ZFAND6: variants seen among roughly 807,000 people sequenced by gnomAD.
ZFAND6 encodes zinc finger AN1-type containing 6.
A neutral mutation model predicts 24.5 loss-of-function variants in ZFAND6; 12 were observed. That is an observed-to-expected ratio of 0.49 (90% confidence interval 0.31 to 0.79). The LOEUF is 0.79. Among genes scored for constraint, ZFAND6 ranks in the 30% least tolerant of loss-of-function variants. ZFAND6 has a pLI of 0.04. For missense variants in ZFAND6, 207 were observed against 245.9 expected (o/e 0.84, Z 1.06); for synonymous variants, 92 against 81.5 (o/e 1.13, Z -0.69).
At chr15:80,130,021 A>C (rs1024105725) in intron 5 of ZFAND6, 2 of 152,274 alleles carry the variant, frequency 1.3e-5, no homozygotes, top group African/African-American at 4.8e-5. Flanking sequence ...GGATGAAGAA[A>C]ATCATGAAGG....
intron 1 of ZFAND6, among the ~76,000 whole-genome samples, chr15:80,079,109 T>A (rs1459843240): frequency 6.6e-6 from 1 of 151,988 alleles, no homozygotes; most frequent in African/African-American, 2.4e-5. Flanking sequence ...GCTCGTTTTT[T>A]AATGGGATTA....
rs1378560288 is a variant in ZFAND6, at chr15:80,137,750, T to G, written c.*122T>G. ...CTTGCATGTCATCGGAAGAATAGAT[T>G]TTTGTTTTGGTTTTGTTTTGAAAAT... On this transcript the variant is annotated 3_prime_UTR_variant, in exon 7 of 7. Coordinates refer to ENST00000261749, the MANE Select transcript of ZFAND6 (RefSeq NM_019006.4). 10 of 1,132,960 alleles carry G rather than the reference T, an allele frequency of 8.8e-6. 1 individual carries two copies. Among genetic ancestry groups the G allele is most frequent in the Non-Finnish European group, 1.1e-5 (9 of 852,950 alleles). The allele number at this position is 1,132,960 out of a possible 1,614,324, so 70.2% of individuals were successfully genotyped here.
rs549902831 is a variant in ZFAND6 at position 80,070,353 on chromosome 15, A to G, written c.-181+10544A>G. 1.4e-4 allele frequency among the ~76,000 whole-genome samples: 22 copies of G among 152,320 alleles called. No homozygotes were observed. In the South Asian group the frequency reaches 2.9e-3, roughly 20 times the overall value. The stretch of plus-strand genomic sequence containing the variant: ...TTAAAAAGTGTTGTTACTGCATGCA[A>G]TCAGGGAGCTCCAGAGCTTTTTGCA... On this transcript the variant is annotated intron_variant, in intron 1 of 6. Transcript: ENST00000261749.
At chr15:80,110,318 A>G (rs534399227) in intron 2 of ZFAND6, among the ~76,000 whole-genome samples, 150 of 152,288 alleles carry the variant, frequency 9.8e-4, no homozygotes, top group African/African-American at 3.3e-3. Flanking sequence ...TAAAAATAAG[A>G]TACACCATTT....
chr15:80,067,715 A>G (rs924338545), intron 1 of ZFAND6, among the ~76,000 whole-genome samples: 2 of 152,168 alleles, frequency 1.3e-5, no homozygotes, highest in Admixed American at 1.3e-4. Flanking sequence ...GTCTTCTGCA[A>G]TAATAGATAC....
At chr15:80,104,467 C>T (rs1284232713) in intron 2 of ZFAND6, among the ~76,000 whole-genome samples, 5 of 152,190 alleles carry the variant, frequency 3.3e-5, no homozygotes, top group Admixed American at 6.5e-5. Flanking sequence ...TGCAGTGAGC[C>T]GAGATCGCAC....
intron 1 of ZFAND6, among the ~76,000 whole-genome samples, chr15:80,062,861 A>G (rs769921682): frequency 6.6e-6 from 1 of 152,168 alleles, no homozygotes. Flanking sequence ...TATTCTTAAT[A>G]TCCTAAACTA....
chr15:80,068,564 G>T (rs567363883), intron 1 of ZFAND6, among the ~76,000 whole-genome samples: 1 of 152,304 alleles, frequency 6.6e-6, no homozygotes, highest in South Asian at 2.1e-4. Flanking sequence ...TAGAGACTGG[G>T]TTTCGCCATA....
At chr15:80,104,289 A>T (rs1351269486) in intron 2 of ZFAND6, among the ~76,000 whole-genome samples, 2 of 152,232 alleles carry the variant, frequency 1.3e-5, no homozygotes, top group African/African-American at 4.8e-5. Context: ...TGGGAGGCTG[A>T]GGCAAGTGGA....
chr15:80,133,895 A>G (rs910187018), intron 6 of ZFAND6, among the ~76,000 whole-genome samples: 4 of 152,094 alleles, frequency 2.6e-5, no homozygotes, highest in Non-Finnish European at 5.9e-5. Flanking sequence ...CTTAAACAAT[A>G]TGAACCCTTT....
chr15:80,100,209 T>G (rs1473030747), intron 2 of ZFAND6, among the ~76,000 whole-genome samples: 1 of 152,242 alleles, frequency 6.6e-6, no homozygotes, highest in African/African-American at 2.4e-5. Context: ...CTTAATTTAC[T>G]GCCATTTGGC....
At chr15:80,137,419 T>G in intron 6 of ZFAND6, 61 bp from the exon 7 acceptor site, 1 of 1,552,030 alleles carries the variant, frequency 6.4e-7, no homozygotes, top group East Asian at 2.3e-5. Flanking sequence ...CAGTATTAAT[T>G]ATGCCAAAGA....
Position 80,131,182 on chromosome 15 carries a change from T to A in ZFAND6, c.367T>A (p.Ser123Thr). The change falls in exon 6 of 7, where the codon TCA becomes ACA. Residue 123 changes from serine (S) to threonine (T), a missense_variant and splice_region_variant. By Grantham distance (58) the Ser-to-Thr change is moderately conservative (BLOSUM62 1). This residue lies in a region of ZFAND6 where 133 missense variants were observed against 122.8 expected (regional missense o/e 1.08). Transcript: ENST00000261749. ...AVPETEDVQA[S>T]VSDTAQQPSE... ...TGCCACCTTCGTATTTTTGTTAGCT[T>A]CAGTATCAGACACAGCACAGCAGCC... is the stretch of plus-strand genomic sequence containing the variant. 1 of 1,545,904 alleles carries A rather than the reference T, an allele frequency of 6.5e-7. No homozygotes were observed.
intron 1 of ZFAND6, chr15:80,072,669 T>G (rs550631203): frequency 4.6e-5 from 7 of 152,164 alleles, no homozygotes; most frequent in African/African-American, 1.7e-4. Flanking sequence ...GTTCTAATCT[T>G]TTTATGATCC....
intron 2 of ZFAND6, among the ~76,000 whole-genome samples, chr15:80,100,452 A>T (rs1438296180): frequency 6.6e-6 from 1 of 152,208 alleles, no homozygotes; most frequent in African/African-American, 2.4e-5. Context: ...AAATTGTATG[A>T]TAGTAAATTG....
At chr15:80,104,291 G>A (rs976031770) in intron 2 of ZFAND6, among the ~76,000 whole-genome samples, 1 of 152,220 alleles carries the variant, frequency 6.6e-6, no homozygotes, top group Non-Finnish European at 1.5e-5. Context: ...GGAGGCTGAG[G>A]CAAGTGGATC....
intron 2 of ZFAND6, among the ~76,000 whole-genome samples, chr15:80,115,428 G>A (rs2039829426): frequency 6.6e-6 from 1 of 152,096 alleles, no homozygotes; most frequent in African/African-American, 2.4e-5. Flanking sequence ...CCACAGTGCA[G>A]CAGTTAAGGA....
chr15:80,060,418 T>G (rs2031051954), intron 1 of ZFAND6: 1 of 152,174 alleles, frequency 6.6e-6, no homozygotes, highest in African/African-American at 2.4e-5. Flanking sequence ...TTGAAATAGT[T>G]ATATTTAAGT....
At chr15:80,105,665 A>G (rs2039284028) in intron 2 of ZFAND6, among the ~76,000 whole-genome samples, 1 of 152,232 alleles carries the variant, frequency 6.6e-6, no homozygotes. Context: ...TTATCTAAGT[A>G]GGAAGTTTAT....
Sources: allele counts gnomAD v4.1 joint callset (sites outside exome capture counted in the v4.1 genomes callset), GRCh38; gene constraint gnomAD v4.1.1; regional missense constraint gnomAD v4.1.1; transcripts MANE v1.5; gene names NCBI Gene and HGNC (gene_info 2026-07-23, HGNC 2026-07-21).